Variants in DCAF8L2 observed in about 807,000 individuals in gnomAD.
DCAF8L2 encodes DDB1- and CUL4-associated factor 8-like protein 2.
For missense variants in DCAF8L2, 430 were observed against 490.7 expected, an observed-to-expected ratio of 0.88 and a Z score of 1.17; for synonymous variants, 200 against 190.9, an observed-to-expected ratio of 1.05 and a Z score of -0.39.
the DCAF8L2 span, among the ~76,000 whole-genome samples, chrX:27,561,191 G>A: frequency 9.0e-6 from 1 of 111,650 alleles, no homozygotes; most frequent in Non-Finnish European, 1.9e-5. Flanking sequence ...CTTATCTTTC[G>A]AGTTTGTGTG....
At chrX:27,645,507 A>T (rs1276589785) in intron 2 of DCAF8L2, among the ~76,000 whole-genome samples, 1 of 112,047 alleles carries the variant, frequency 8.9e-6, no homozygotes, top group African/African-American at 3.2e-5. Context: ...AACTGGCACA[A>T]GACAAAGATG....
intron 2 of DCAF8L2, among the ~76,000 whole-genome samples, chrX:27,648,523 T>TTATATA (rs57191431): frequency 2.6e-4 from 27 of 102,037 alleles, no homozygotes; most frequent in South Asian, 8.4e-4. Flanking sequence ...TATGTATTAT[T>TTATATA]TATATATATA....
chrX:27,592,104 C>T (rs1304567552), intron 1 of DCAF8L2, among the ~76,000 whole-genome samples: 1 of 112,434 alleles, frequency 8.9e-6, no homozygotes, highest in Non-Finnish European at 1.9e-5. Context: ...AGAGAGAAGG[C>T]GAGGGCGATG....
At chrX:27,534,101 C>T in the DCAF8L2 span, among the ~76,000 whole-genome samples, 5 of 110,080 alleles carry the variant, frequency 4.5e-5, no homozygotes, top group African/African-American at 1.3e-4. Flanking sequence ...GTCCCAGCTC[C>T]TGGGGAGGCT....
intron 3 of DCAF8L2, among the ~76,000 whole-genome samples, chrX:27,688,699 C>A (rs1205017159): frequency 2.7e-5 from 3 of 111,088 alleles, no homozygotes; most frequent in Non-Finnish European, 5.7e-5. Context: ...TTGTAAAAGT[C>A]CAGTTAGAAA....
At chrX:27,534,126 A>T in the DCAF8L2 span, among the ~76,000 whole-genome samples, 1 of 109,936 alleles carries the variant, frequency 9.1e-6, no homozygotes. Context: ...CAGGAGGATC[A>T]CTTGAGCCCT....
chrX:27,495,653 ATGC>A, the DCAF8L2 span, among the ~76,000 whole-genome samples: 1 of 112,022 alleles, frequency 8.9e-6, no homozygotes, highest in African/African-American at 3.2e-5. Flanking sequence ...ATCATGAATA[ATGC>A]TGCTGTGATC....
chrX:27,611,807 T>C (rs1028024441), intron 1 of DCAF8L2, among the ~76,000 whole-genome samples: 1 of 111,214 alleles, frequency 9.0e-6, no homozygotes, highest in East Asian at 2.8e-4. Context: ...TATTCCATGG[T>C]GTATATGTGC....
At chrX:27,479,729 A>G in the DCAF8L2 span, among the ~76,000 whole-genome samples, 1 of 112,071 alleles carries the variant, frequency 8.9e-6, no homozygotes, top group Non-Finnish European at 1.9e-5. Context: ...CATAATTTTA[A>G]TCTGAGGTTC....
At chrX:27,521,055 G>A in the DCAF8L2 span, among the ~76,000 whole-genome samples, 1 of 111,921 alleles carries the variant, frequency 8.9e-6, no homozygotes, top group Non-Finnish European at 1.9e-5. Context: ...AAATTATTAA[G>A]TTATAAAAAC....
At chrX:27,683,254 C>T (rs1398413945) in intron 3 of DCAF8L2, among the ~76,000 whole-genome samples, 2 of 111,603 alleles carry the variant, frequency 1.8e-5, no homozygotes, top group East Asian at 5.7e-4. Context: ...AATGCCCTTC[C>T]CACTGTCAAT....
the DCAF8L2 span, among the ~76,000 whole-genome samples, chrX:27,553,900 C>T: frequency 1.9e-3 from 209 of 111,458 alleles, 2 homozygotes; most frequent in Non-Finnish European, 3.4e-3. Context: ...AACTTTCACT[C>T]GTGAAAAACT....
intron 1 of DCAF8L2, among the ~76,000 whole-genome samples, chrX:27,619,064 AT>A: frequency 9.2e-6 from 1 of 108,756 alleles, no homozygotes; most frequent in East Asian, 2.9e-4. Context: ...CTATCTATCT[AT>A]TTACTTACCT....
At chrX:27,737,516 T>C (rs1183836814) in intron 4 of DCAF8L2, among the ~76,000 whole-genome samples, 1 of 111,551 alleles carries the variant, frequency 9.0e-6, no homozygotes, top group Non-Finnish European at 1.9e-5. Flanking sequence ...TAGGTGGCTA[T>C]GTGCTGCTCT....
At chrX:27,541,405 T>C in the DCAF8L2 span, among the ~76,000 whole-genome samples, 2 of 107,586 alleles carry the variant, frequency 1.9e-5, no homozygotes, top group African/African-American at 3.4e-5. Flanking sequence ...GTTTCTCTCT[T>C]GTTGCCCAGG....
chrX:27,524,366 A>G, the DCAF8L2 span, among the ~76,000 whole-genome samples: 4 of 111,658 alleles, frequency 3.6e-5, no homozygotes, highest in East Asian at 2.8e-4. Context: ...CTGTGGGATC[A>G]GTGGTGATAT....
At chrX:27,670,957 CTT>C (rs1475522904) in intron 2 of DCAF8L2, among the ~76,000 whole-genome samples, 1 of 111,955 alleles carries the variant, frequency 8.9e-6, no homozygotes, top group African/African-American at 3.2e-5. Flanking sequence ...AAGTAAATCT[CTT>C]TTCTTTATTA....
chrX:27,653,761 C>CACACACA (rs1216615987), intron 2 of DCAF8L2, among the ~76,000 whole-genome samples: 3 of 107,164 alleles, frequency 2.8e-5, no homozygotes, highest in African/African-American at 1.0e-4. Flanking sequence ...CACACACACA[C>CACACACA]AACATATATT....
intron 1 of DCAF8L2, among the ~76,000 whole-genome samples, chrX:27,592,305 A>G (rs1272137967): frequency 9.0e-6 from 1 of 111,360 alleles, no homozygotes; most frequent in African/African-American, 3.3e-5. Flanking sequence ...GTGCTGCCGC[A>G]CCACATCCAG....
Sources: gnomAD v4.1 joint callset for allele counts (sites outside exome capture counted in the v4.1 genomes callset) on GRCh38, gnomAD v4.1.1 for gene constraint, MANE v1.5 for transcripts, NCBI Gene and HGNC (gene_info 2026-07-23, HGNC 2026-07-21) for gene names.